CNOT10: variants seen among roughly 807,000 people sequenced by gnomAD.
The protein encoded by CNOT10 is CCR4-NOT transcription complex, subunit 10.
Under a neutral mutation model 94.6 loss-of-function variants are expected in CNOT10, and 30 were observed. That is an observed-to-expected ratio of 0.32 (90% CI 0.24 to 0.43). The LOEUF is 0.43. CNOT10 is among the 20% of genes least tolerant of loss of function. The pLI, the probability that CNOT10 is intolerant of heterozygous loss-of-function variation, is 1.00. For missense variants in CNOT10, 759 were observed against 877.2 expected, an observed-to-expected ratio of 0.87 and a Z score of 1.70; for synonymous variants, 289 against 301.6, an observed-to-expected ratio of 0.96 and a Z score of 0.43.
intron 13 of CNOT10, among the ~76,000 whole-genome samples, chr3:32,743,726 A>G (rs2125596967): frequency 6.6e-6 from 1 of 152,304 alleles, no homozygotes; most frequent in East Asian, 1.9e-4. Flanking sequence ...TGAGAATGTC[A>G]TTAAAGAGAA....
chr3:32,736,248 G>A lies in CNOT10; in HGVS notation c.1515-1162G>A, dbSNP rs563396153. Among the ~76,000 whole-genome samples, 51 of 152,014 alleles carry A rather than the reference G, an allele frequency of 3.4e-4. No individual in the cohort carries two copies. In the East Asian group the frequency reaches 7.4e-3, roughly 22 times the overall value. ...TTATAGGCCCAGCGCCACTATGCCC[G>A]GCTAATTTTTGTATTTTTAGTAGAG... On this transcript the variant is annotated intron_variant, in intron 12 of 18. Coordinates refer to ENST00000328834, the MANE Select transcript of CNOT10 (RefSeq NM_015442.3).
At chr3:32,741,418 C>T (rs867004614) in intron 13 of CNOT10, among the ~76,000 whole-genome samples, 3 of 152,082 alleles carry the variant, frequency 2.0e-5, no homozygotes, top group Non-Finnish European at 2.9e-5. Context: ...ATCTTTGTCT[C>T]TCAGGATGAA....
rs1209407001 is a variant in CNOT10, at chr3:32,754,638, A to G, written c.1596-4820A>G. On this transcript the variant is annotated intron_variant, in intron 13 of 18. Coordinates refer to ENST00000328834, the MANE Select transcript of CNOT10 (RefSeq NM_015442.3). ...GGGTTCAAGCAATTCTTCTGCCTCG[A>G]CCTCCTGAGTAGCTGGGACTACAGG... Among the ~76,000 whole-genome samples the G allele has an allele frequency of 1.9e-4, 26 of 137,490 alleles. No homozygotes were observed. The East Asian group carries it at 4.0e-3, about 21-fold the overall frequency. 90.2% of individuals were successfully genotyped at this position (137,490 alleles called of 152,430 possible).
intron 2 of CNOT10, 64 bp downstream of exon 2, chr3:32,704,026 T>C (rs980352642): frequency 3.7e-5 from 36 of 981,508 alleles, no homozygotes; most frequent in Non-Finnish European, 5.4e-5. Context: ...AATCTTTTCA[T>C]AGTGAATTTT....
At chr3:32,696,498 T>C (rs9825716) in intron 1 of CNOT10, among the ~76,000 whole-genome samples, 16 of 152,328 alleles carry the variant, frequency 1.1e-4, no homozygotes, top group African/African-American at 3.6e-4. Flanking sequence ...TTCGTTAACA[T>C]GTAAAAGGTT....
At chr3:32,733,345 G>T (rs1699040490) in intron 10 of CNOT10, 78 bp from the exon 11 acceptor site, 10 of 1,121,110 alleles carry the variant, frequency 8.9e-6, no homozygotes, top group Non-Finnish European at 1.3e-5. Context: ...TAGAGTAATT[G>T]TGAGAGATAT....
In CNOT10 at chr3:32,685,455, G is replaced by A; in HGVS notation, c.-6G>A. The A allele has an allele frequency of 6.5e-7, 1 of 1,550,382 alleles. No individual in the cohort carries two copies. The highest frequency in any genetic ancestry group is 8.7e-7 in the Non-Finnish European group (1 of 1,146,768). ...TGCAGGGAAGAACCCGAGTCGAAGC[G>A]GGAAGATGGCTGCAGACAAGCCTGC... On this transcript the variant is annotated 5_prime_UTR_variant, in exon 1 of 19. Transcript: ENST00000328834.
At chr3:32,763,820 A>T (rs1486746774) in intron 15 of CNOT10, among the ~76,000 whole-genome samples, 3 of 152,050 alleles carry the variant, frequency 2.0e-5, no homozygotes, top group Non-Finnish European at 4.4e-5. Context: ...TTTCATAAAG[A>T]AAGTTAGGTT....
Position 32,753,115 on chromosome 3 carries a change from G to C in CNOT10, c.1596-6343G>C, listed in dbSNP as rs1575291711. 3 of 561,644 alleles carry C rather than the reference G, an allele frequency of 5.3e-6. No individual in the cohort carries two copies. In the East Asian group the frequency reaches 1.3e-4, roughly 24 times the overall value. 34.8% of individuals were successfully genotyped at this position (561,644 alleles called of 1,614,324 possible). Reference sequence around the variant, plus strand: ...GTGTTGCTGTTGCTGATGCAAAGAAGTCTCTCGAATTCAATCCAAATAATT... The same window carrying C: ...GTGTTGCTGTTGCTGATGCAAAGAACTCTCTCGAATTCAATCCAAATAATT... On this transcript the variant is annotated intron_variant, in intron 13 of 18. Coordinates refer to ENST00000328834, the MANE Select transcript of CNOT10 (RefSeq NM_015442.3).
At chr3:32,766,935 A>C (rs1377021526) in intron 17 of CNOT10, among the ~76,000 whole-genome samples, 1 of 152,222 alleles carries the variant, frequency 6.6e-6, no homozygotes, top group African/African-American at 2.4e-5. Flanking sequence ...TCAAAAGGAC[A>C]TTCATCCAGC....
chr3:32,716,171 A>C (rs963011780), intron 5 of CNOT10, 54 bp from the exon 6 acceptor site: 1 of 985,592 alleles, frequency 1.0e-6, no homozygotes, highest in African/African-American at 1.7e-5. Context: ...TCACTGATTT[A>C]AATTATGGTC....
chr3:32,704,909 T>A lies in CNOT10; in HGVS notation c.216T>A (p.Phe72Leu). The change falls in exon 3 of 19, where the codon TTT (phenylalanine) becomes TTA (leucine). Residue 72 changes from phenylalanine to leucine, a missense_variant. Coordinates refer to ENST00000328834, the MANE Select transcript of CNOT10 (RefSeq NM_015442.3). ...KIILNTAVAE[F>L]FKSNQTTTDN... Reference sequence around the variant, plus strand: ...TTTTGAATACAGCAGTAGCTGAGTTTTTTAAAAGTAACCAAACAACAACAG... The same window carrying A: ...TTTTGAATACAGCAGTAGCTGAGTTATTTAAAAGTAACCAAACAACAACAG... 6.4e-7 allele frequency: 1 copy of A among 1,568,186 alleles called. No individual in the cohort carries two copies. Among genetic ancestry groups the A allele is most frequent in the Non-Finnish European group, 8.6e-7 (1 of 1,166,280 alleles).
At chr3:32,739,023 G>C (rs1389443446) in intron 13 of CNOT10, among the ~76,000 whole-genome samples, 1 of 151,594 alleles carries the variant, frequency 6.6e-6, no homozygotes, top group Non-Finnish European at 1.5e-5. Flanking sequence ...TCCTGCCTCA[G>C]CTTCCTAAGA....
intron 8 of CNOT10, among the ~76,000 whole-genome samples, chr3:32,723,889 T>C (rs947450410): frequency 2.0e-5 from 3 of 152,064 alleles, no homozygotes; most frequent in African/African-American, 7.2e-5. Context: ...GCGACCAGCC[T>C]GAGCAACACA....
At chr3:32,725,060 A>G (rs1426619105) in intron 8 of CNOT10, among the ~76,000 whole-genome samples, 5 of 151,456 alleles carry the variant, frequency 3.3e-5, no homozygotes, top group African/African-American at 1.2e-4. Flanking sequence ...TTAGCTGGGC[A>G]TGGTGGCTCA....
chr3:32,713,229 G>A lies in CNOT10; in HGVS notation c.433G>A (p.Glu145Lys). 6.4e-7 allele frequency: 1 copy of A among 1,562,488 alleles called. No individual in the cohort carries two copies. The highest frequency in any genetic ancestry group is 2.3e-5 in the East Asian group (1 of 42,834). The change falls in exon 5 of 19, where the codon GAA (glutamate) becomes AAA (lysine). Residue 145 changes from glutamate to lysine, a missense_variant and splice_region_variant. Physicochemically the swap from Glu to Lys is moderately conservative, Grantham distance 56. Transcript: ENST00000328834. ...KLYQFIEPFEEKFAQAVCFLL... is the reference protein window; with the variant it reads ...KLYQFIEPFEKKFAQAVCFLL... ...TTTCTGTGTTTTTTTTCTCCCAGAAGAAAAATTTGCCCAAGCAGTGTGTTT... is the reference window on the plus strand; with the variant it reads ...TTTCTGTGTTTTTTTTCTCCCAGAAAAAAAATTTGCCCAAGCAGTGTGTTT...
intron 4 of CNOT10, 67 bp from the exon 5 acceptor site, chr3:32,713,159 AG>A: frequency 8.0e-7 from 1 of 1,251,132 alleles, no homozygotes; most frequent in South Asian, 1.6e-5. Flanking sequence ...ACTTTTTTGG[AG>A]GGTGGTCTGA....
chr3:32,731,702 C>G (rs777006507), intron 10 of CNOT10, among the ~76,000 whole-genome samples: 1 of 152,244 alleles, frequency 6.6e-6, no homozygotes, highest in South Asian at 2.1e-4. Flanking sequence ...GTCTCAAGTT[C>G]CTGGGCTCTA....
At position 32,725,150 on chromosome 3, in the gene CNOT10, A is replaced by G. The variant is rs142583555; in HGVS notation, c.863-300A>G. 3.1e-3 allele frequency among the ~76,000 whole-genome samples: 470 copies of G among 152,310 alleles called. 5 individuals are homozygous for G. The highest frequency in any genetic ancestry group is 0.011 in the African/African-American group (451 of 41,568). On this transcript the variant is annotated intron_variant, in intron 8 of 18. Coordinates refer to ENST00000328834, the MANE Select transcript of CNOT10 (RefSeq NM_015442.3). ...GGAGTTCGAAACCAGGGTAGGCAATATAGTGAGACCCTATTTTAAAAATTG... is the reference window on the plus strand; with the variant it reads ...GGAGTTCGAAACCAGGGTAGGCAATGTAGTGAGACCCTATTTTAAAAATTG...
Sources: gnomAD v4.1 joint callset for allele counts (sites outside exome capture counted in the v4.1 genomes callset) on GRCh38, gnomAD v4.1.1 for gene constraint, MANE v1.5 for transcripts, NCBI Gene and HGNC (gene_info 2026-07-23, HGNC 2026-07-21) for gene names.